The following ARID3C variants were observed in gnomAD, a reference collection of about 807,000 sequenced individuals.
ARID3C encodes AT-rich interaction domain 3C, also known as AT-rich interactive domain-containing protein 3C.
A neutral mutation model predicts 37.9 loss-of-function variants in ARID3C; 42 were observed. That is an observed-to-expected ratio of 1.11 (90% confidence interval 0.87 to 1.43). The LOEUF (loss-of-function observed/expected upper bound fraction) is 1.43, where lower values mean the gene tolerates loss of function less well. Ranked by LOEUF, ARID3C falls within the 40% of genes most tolerant of loss-of-function variation. ARID3C has a pLI of 0.00. For missense variants in ARID3C, 581 were observed against 548.8 expected (o/e 1.06, Z -0.59); for synonymous variants, 213 against 228.0 (o/e 0.93, Z 0.59).
At chr9:34,623,303 C>G in intron 4 of ARID3C, 122 bp downstream of exon 5, 3 of 1,230,412 alleles carry the variant, frequency 2.4e-6, no homozygotes, top group Non-Finnish European at 3.2e-6. Flanking sequence ...CCCGTCAGAC[C>G]TTACTGCTCC....
At chr9:34,632,280 T>A (rs1820729224), upstream of ARID3C, among the ~76,000 whole-genome samples, 1 of 152,192 alleles carries the variant, frequency 6.6e-6, no homozygotes, top group African/African-American at 2.4e-5. Flanking sequence ...ACGGTCAGAA[T>A]AGCAGGTACA....
exon 4 of ARID3C, chr9:34,623,471 C>T (rs774451984): frequency 6.5e-7 from 1 of 1,536,754 alleles, no homozygotes; most frequent in South Asian, 1.3e-5. Context: ...CATGCGCTGG[C>T]AGGCCGGAGG....
chr9:34,621,687 A>T, intron 6 of ARID3C, 129 bp from the exon 8 acceptor site: 1 of 704,372 alleles, frequency 1.4e-6, no homozygotes, highest in Non-Finnish European at 2.4e-6. Context: ...CCTGCCACAA[A>T]CCAATGAGGA....
chr9:34,626,329 G>C (rs1404578542), intron 1 of ARID3C, among the ~76,000 whole-genome samples: 1 of 152,248 alleles, frequency 6.6e-6, no homozygotes, highest in Non-Finnish European at 1.5e-5. Flanking sequence ...ATGCTCAGAA[G>C]CTCCTGGGTT....
intron 1 of ARID3C, 114 bp downstream of exon 2, chr9:34,627,583 C>G (rs1011607591): frequency 4.9e-5 from 46 of 943,150 alleles, no homozygotes; most frequent in Non-Finnish European, 6.9e-5. Flanking sequence ...CTCTGTGTCT[C>G]TTTTCATCTT....
intron 2 of ARID3C, among the ~76,000 whole-genome samples, 183 bp downstream of exon 3, chr9:34,625,559 G>T (rs2132313040): frequency 6.6e-6 from 1 of 151,986 alleles, no homozygotes; most frequent in South Asian, 2.1e-4. Flanking sequence ...CCTGCCAGTG[G>T]GCTGGCCACT....
downstream of ARID3C, chr9:34,621,233 C>G: frequency 2.2e-6 from 1 of 447,864 alleles, no homozygotes; most frequent in South Asian, 4.9e-5. Context: ...GAGGAAGAAC[C>G]CTTTGGTAGG....
intron 4 of ARID3C, among the ~76,000 whole-genome samples, chr9:34,623,210 C>G (rs1224230758): frequency 6.6e-6 from 1 of 151,474 alleles, no homozygotes. Context: ...AGCCCCTACA[C>G]TTCAGTAACC....
chr9:34,632,925 C>T (rs1012330922), upstream of ARID3C, among the ~76,000 whole-genome samples: 78 of 152,052 alleles, frequency 5.1e-4, no homozygotes, highest in African/African-American at 1.8e-3. Flanking sequence ...TAGGCTGAGA[C>T]AAAAATTTAG....
intron 1 of ARID3C, among the ~76,000 whole-genome samples, chr9:34,627,397 C>A (rs1820670053): frequency 6.6e-6 from 1 of 152,132 alleles, no homozygotes. Context: ...AATCTCAGCA[C>A]TTTGGGAAGC....
upstream of ARID3C, among the ~76,000 whole-genome samples, chr9:34,632,803 C>A (rs576070992): frequency 6.6e-6 from 1 of 151,966 alleles, no homozygotes; most frequent in Non-Finnish European, 1.5e-5. Flanking sequence ...GGAGAGAATT[C>A]GGTTTGCTTT....
exon 1 of ARID3C, chr9:34,627,789 TCTC>T: frequency 6.2e-7 from 1 of 1,614,076 alleles, no homozygotes; most frequent in Non-Finnish European, 8.5e-7. Context: ...CCTGGACGGC[TCTC>T]CTCAGCTGCC....
rs529775548 is a variant in ARID3C, at chr9:34,628,076, G to T, written c.-62C>A. On this transcript the variant is annotated 5_prime_UTR_variant, in exon 1 of 7. Coordinates refer to ENST00000378909, the Ensembl canonical transcript of ARID3C. The surrounding 1 kb of genome is among the most constrained non-coding windows in gnomAD (Gnocchi z 5.2). ...CCCTGGTACCAGGCGGGACCCCGAG[G>T]AAAGGGCCGCCTGTGGGGGAGGGAA... 410 of 1,439,830 alleles carry T rather than the reference G, an allele frequency of 2.8e-4. 1 individual carries two copies. The African/African-American group carries it at 5.3e-3, about 19-fold the overall frequency. 89.2% of individuals were successfully genotyped at this position (1,439,830 alleles called of 1,614,324 possible).
chr9:34,624,781 A>T (rs1820632498), intron 2 of ARID3C, among the ~76,000 whole-genome samples: 2 of 152,148 alleles, frequency 1.3e-5, no homozygotes, highest in African/African-American at 4.8e-5. Context: ...AATGGGGGAA[A>T]ATTATCGGCC....
At chr9:34,622,105 C>T (rs777372990) in exon 6 of ARID3C, 10 of 1,614,084 alleles carry the variant, frequency 6.2e-6, no homozygotes, top group South Asian at 2.2e-5. Flanking sequence ...CATCCAGCCG[C>T]TCTTCTGTCC....
At chr9:34,623,870 C>T in exon 3 of ARID3C, 1 of 1,563,608 alleles carries the variant, frequency 6.4e-7, no homozygotes, top group Non-Finnish European at 8.6e-7. Context: ...TCACTGGGTG[C>T]GTAGAGTGAA....
At chr9:34,621,243 G>A (rs1820552382), downstream of ARID3C, 1 of 463,294 alleles carries the variant, frequency 2.2e-6, no homozygotes. Flanking sequence ...CCTTTGGTAG[G>A]TGCTGCTGGA....
rs1242299917 is a variant in ARID3C at position 34,623,862 on chromosome 9, A to G, written c.575+2T>C. On this transcript the variant is annotated splice_donor_variant, in intron 3 of 6. Transcript: ENST00000378909. LOFTEE classifies it high-confidence loss of function. ...CCCTTCCGCTCCCGCCCCTGGCCTC[A>G]CTGGGTGCGTAGAGTGAAGGCGGCC... 6.3e-7 allele frequency: 1 copy of G among 1,575,704 alleles called. No individual in the cohort carries two copies. The highest frequency in any genetic ancestry group is 1.4e-5 in the African/African-American group (1 of 72,648).
At chr9:34,625,716 C>T in intron 2 of ARID3C, 26 bp downstream of exon 3, 1 of 1,613,148 alleles carries the variant, frequency 6.2e-7, no homozygotes, top group Non-Finnish European at 8.5e-7. Context: ...AATTCCAGGG[C>T]CCTTCCCCCA....
Sources: allele counts gnomAD v4.1 joint callset (sites outside exome capture counted in the v4.1 genomes callset), GRCh38; gene constraint gnomAD v4.1.1; non-coding constraint Gnocchi (gnomAD v3.1); transcripts MANE v1.5; gene names NCBI Gene and HGNC (gene_info 2026-07-23, HGNC 2026-07-21).